COL10A1: variants seen among roughly 807,000 people sequenced by gnomAD.
The protein encoded by COL10A1 is collagen type X alpha 1 chain, also known as collagen alpha-1(X) chain.
COL10A1 carries 10 observed loss-of-function variants against 18.2 expected under a neutral mutation model. The ratio of observed to expected loss-of-function variants is 0.55; its 90% CI spans 0.34 to 0.93. COL10A1 has a LOEUF of 0.93. COL10A1 is among the 40% of genes least tolerant of loss of function. The probability of loss-of-function intolerance (pLI) is 0.02; values close to 1 mark genes in which losing one functional copy is unlikely to be tolerated. For synonymous variants in COL10A1, 330 were observed against 316.6 expected (o/e 1.04, Z -0.45); for missense variants, 897 against 853.5 (o/e 1.05, Z -0.64).
At chr6:116,162,051 T>C (rs1780347466), upstream of COL10A1, among the ~76,000 whole-genome samples, 3 of 152,132 alleles carry the variant, frequency 2.0e-5, no homozygotes, top group Admixed American at 2.0e-4. Flanking sequence ...GTAAATGAGA[T>C]TGAGTTTTTT....
chr6:116,126,006 T>A (rs1230345183), intron 1 of COL10A1, 47 bp downstream of exon 1: 1 of 155,372 alleles, frequency 6.4e-6, no homozygotes, highest in Non-Finnish European at 1.4e-5. Context: ...TTAAAGTTTC[T>A]TTCCAAGCAA....
chr6:116,187,207 T>C, the COL10A1 span, among the ~76,000 whole-genome samples: 283 of 152,198 alleles, frequency 1.9e-3, 1 homozygote, highest in African/African-American at 6.5e-3. Flanking sequence ...AGTCCTGTGA[T>C]GTGATCTGTA....
In COL10A1 at chr6:116,125,498, C is replaced by T; in HGVS notation, c.-6G>A. 1.2e-6 allele frequency: 2 copies of T among 1,613,322 alleles called. No individual in the cohort carries two copies. Among genetic ancestry groups the T allele is most frequent in the African/African-American group, 2.7e-5 (2 of 74,980 alleles). On this transcript the variant is annotated 5_prime_UTR_variant, in exon 2 of 3. Coordinates refer to ENST00000651968, the MANE Select transcript of COL10A1 (RefSeq NM_000493.4). ...AAGGGTATTTGTGGCAGCATATTCT[C>T]AGATGGATTCTGAAAAACAGAAAAG...
intron 1 of COL10A1, among the ~76,000 whole-genome samples, chr6:116,154,019 G>A (rs1451101124): frequency 1.3e-5 from 2 of 150,328 alleles, no homozygotes; most frequent in African/African-American, 4.9e-5. Flanking sequence ...CATGCCTAAA[G>A]GGAAGATTTC....
chr6:116,185,395 G>T, the COL10A1 span, among the ~76,000 whole-genome samples: 1 of 152,060 alleles, frequency 6.6e-6, no homozygotes, highest in Non-Finnish European at 1.5e-5. Context: ...CTAGGGTATA[G>T]TTTAAGTCCA....
intron 1 of COL10A1, among the ~76,000 whole-genome samples, chr6:116,151,724 A>G (rs1780044827): frequency 6.6e-6 from 1 of 152,206 alleles, no homozygotes; most frequent in Admixed American, 6.5e-5. Context: ...GGAATTAAGT[A>G]TGTTCATTTT....
Position 116,121,261 on chromosome 6 carries a change from C to A in COL10A1, c.855G>T (p.Gly285=), listed in dbSNP as rs1456553133. Residue 285 remains glycine (G), a synonymous_variant, in exon 3 of 3, where the codon GGG becomes GGT. Coordinates refer to ENST00000651968, the MANE Select transcript of COL10A1 (RefSeq NM_000493.4). ...PGIPGTKGLP[G]APGIAGPPGP... ...CTGGGGGCCCAGCTATTCCTGGAGC[C>A]CCAGGGAGACCTTTTGTTCCTGGAA... 3.1e-6 allele frequency: 5 copies of A among 1,613,926 alleles called. No homozygotes were observed. The highest frequency in any genetic ancestry group is 1.1e-5 in the South Asian group (1 of 91,064).
chr6:116,195,179 A>G, the COL10A1 span, among the ~76,000 whole-genome samples: 14 of 152,230 alleles, frequency 9.2e-5, no homozygotes, highest in East Asian at 2.3e-3. Flanking sequence ...GTTAATTTCT[A>G]TAAAATAAAA....
At chr6:116,200,237 G>A in the COL10A1 span, among the ~76,000 whole-genome samples, 1 of 151,984 alleles carries the variant, frequency 6.6e-6, no homozygotes, top group Non-Finnish European at 1.5e-5. Flanking sequence ...CCATAAAACT[G>A]TCAAAGTTAC....
the COL10A1 span, among the ~76,000 whole-genome samples, chr6:116,192,264 G>A: frequency 6.6e-6 from 1 of 151,936 alleles, no homozygotes. Flanking sequence ...TAATATATGT[G>A]TTATGTTAAG....
chr6:116,121,468 A>G lies in COL10A1; in HGVS notation c.648T>C (p.Pro216=), dbSNP rs1422828068. ...GPQGPTGPSG[P]PGVGKRGENG... ...TTTCACCTCTTTTTCCCACTCCAGG[A>G]GGGCCAGATGGTCCTGTGGGACCCT... Residue 216 remains proline, a synonymous_variant, in exon 3 of 3, where the codon CCT becomes CCC. Transcript: ENST00000651968. 3.1e-6 allele frequency: 5 copies of G among 1,613,888 alleles called. No individual in the cohort carries two copies. Among genetic ancestry groups the G allele is most frequent in the Non-Finnish European group, 4.2e-6 (5 of 1,180,000 alleles).
the COL10A1 span, among the ~76,000 whole-genome samples, chr6:116,174,341 C>T: frequency 3.6e-3 from 552 of 152,182 alleles, 3 homozygotes; most frequent in African/African-American, 0.013. Context: ...GGAAATCTTC[C>T]GTAAGAAATA....
At chr6:116,167,638 C>T in the COL10A1 span, among the ~76,000 whole-genome samples, 1 of 151,854 alleles carries the variant, frequency 6.6e-6, no homozygotes, top group Non-Finnish European at 1.5e-5. Flanking sequence ...CTTTTCTTAC[C>T]CTTCTACCCT....
At chr6:116,131,108 G>A (rs1779448252), upstream of COL10A1, among the ~76,000 whole-genome samples, 1 of 151,846 alleles carries the variant, frequency 6.6e-6, no homozygotes, top group African/African-American at 2.4e-5. Flanking sequence ...CTGGTGTTCG[G>A]ATATATGTTT....
chr6:116,185,932 AT>A, the COL10A1 span, among the ~76,000 whole-genome samples: 1 of 151,604 alleles, frequency 6.6e-6, no homozygotes, highest in East Asian at 1.9e-4. Flanking sequence ...AAAACCTTGG[AT>A]TTTTTTCATT....
At chr6:116,148,878 G>A (rs532748688) in intron 1 of COL10A1, among the ~76,000 whole-genome samples, 10 of 152,034 alleles carry the variant, frequency 6.6e-5, no homozygotes, top group Non-Finnish European at 1.0e-4. Context: ...CCAAAGAAAC[G>A]TTTTTAAAAT....
the COL10A1 span, among the ~76,000 whole-genome samples, chr6:116,181,565 A>G: frequency 6.6e-6 from 1 of 152,142 alleles, no homozygotes; most frequent in Non-Finnish European, 1.5e-5. Flanking sequence ...ATTCTCTTTG[A>G]CACTGAGAAT....
chr6:116,210,000 C>T, the COL10A1 span, among the ~76,000 whole-genome samples: 1 of 151,768 alleles, frequency 6.6e-6, no homozygotes, highest in African/African-American at 2.4e-5. Context: ...TATTCCATAC[C>T]CAAGTTTGTT....
the COL10A1 span, among the ~76,000 whole-genome samples, chr6:116,193,497 T>A: frequency 2.0e-4 from 30 of 152,190 alleles, no homozygotes; most frequent in East Asian, 5.8e-3. Flanking sequence ...AACTTTAAGT[T>A]ACTTTGTAAA....
Sources: allele counts gnomAD v4.1 joint callset (sites outside exome capture counted in the v4.1 genomes callset), GRCh38; gene constraint gnomAD v4.1.1; transcripts MANE v1.5; gene names NCBI Gene and HGNC (gene_info 2026-07-23, HGNC 2026-07-21).